The following SYTL2 variants were observed in gnomAD, a reference collection of about 807,000 sequenced individuals.
The protein encoded by SYTL2 is synaptotagmin-like protein 2.
Under a neutral mutation model 198.7 loss-of-function variants are expected in SYTL2, and 165 were observed. That is an observed-to-expected ratio of 0.83 (90% confidence interval 0.73 to 0.94). The LOEUF is 0.94. Ranked by LOEUF, SYTL2 falls within the 40% of genes least tolerant of loss-of-function variation. SYTL2 has a pLI of 0.00. For synonymous variants in SYTL2, 966 were observed against 917.7 expected (o/e 1.05, Z -0.95); for missense variants, 2,835 against 2,582.8 (o/e 1.10, Z -2.12).
Position 85,734,450 on chromosome 11 carries a change from G to A in SYTL2, c.879C>T (p.Asn293=), listed in dbSNP as rs371085528. The A allele has an allele frequency of 6.8e-6, 11 of 1,614,232 alleles. No individual in the cohort carries two copies. The African/African-American group carries it at 1.5e-4, about 22-fold the overall frequency. Residue 293 remains asparagine, a synonymous_variant, in exon 7 of 20, where the codon AAC becomes AAT. Transcript: ENST00000359152. The part of the protein sequence containing the change: ...TDSETLRYNH[N]FEPKSKIVSP... ...ACACAATTTTGCTTTTGGGTTCAAAGTTGTGATTATAACGAAGGGTTTCTG... is the reference window on the plus strand; with the variant it reads ...ACACAATTTTGCTTTTGGGTTCAAAATTGTGATTATAACGAAGGGTTTCTG...
chr11:85,777,513 G>T (rs1195060994), intron 1 of SYTL2, among the ~76,000 whole-genome samples: 1 of 152,076 alleles, frequency 6.6e-6, no homozygotes, highest in Non-Finnish European at 1.5e-5. Context: ...TCTGAGGCAC[G>T]AAGGGAGAGG....
chr11:85,791,921 G>A (rs142536952), intron 1 of SYTL2, among the ~76,000 whole-genome samples: 43 of 152,206 alleles, frequency 2.8e-4, no homozygotes, highest in African/African-American at 7.2e-4. Flanking sequence ...CAGCAGCTGC[G>A]ATAGGATTAC....
chr11:85,801,800 A>G (rs1360616919), intron 1 of SYTL2, among the ~76,000 whole-genome samples: 1 of 150,292 alleles, frequency 6.7e-6, no homozygotes, highest in Non-Finnish European at 1.5e-5. Flanking sequence ...CTGTGTGCCA[A>G]CTCAGTAGTC....
chr11:85,782,553 A>C (rs1478885230), intron 1 of SYTL2, among the ~76,000 whole-genome samples: 1 of 152,234 alleles, frequency 6.6e-6, no homozygotes, highest in African/African-American at 2.4e-5. Context: ...TCTGTCACAC[A>C]GTCAGGCTGC....
rs1354232306 is a variant in SYTL2 at position 85,780,546 on chromosome 11, C to T, written c.-389-22432G>A. 6.6e-5 allele frequency among the ~76,000 whole-genome samples: 10 copies of T among 152,286 alleles called. No homozygotes were observed. The East Asian group carries it at 1.9e-3, about 29-fold the overall frequency. On this transcript the variant is annotated intron_variant, in intron 1 of 19. Coordinates refer to ENST00000359152, the MANE Select transcript of SYTL2 (RefSeq NM_206927.4). The stretch of plus-strand genomic sequence containing the variant: ...GGTTTAATCAGTCACGCCTATGTAA[C>T]GAAGCTGCCATAAAATCCCAAAGGG...
chr11:85,695,246 A>C lies in SYTL2; in HGVS notation c.6669T>G (p.Ile2223Met). The C allele has an allele frequency of 1.9e-6, 3 of 1,613,072 alleles. No homozygotes were observed. The highest frequency in any genetic ancestry group is 2.5e-6 in the Non-Finnish European group (3 of 1,179,234). ...GCATTCTGAGAGGCAGTGTTGCTTC[A>C]ATCCAAGTATTGGGGGAGTTTACCA... ...EKMVNSPNTW[I>M]EATLPLRMLL... The change falls in exon 20 of 20, where the codon ATT becomes ATG. Residue 2223 changes from isoleucine (I) to methionine (M), a missense_variant. Around this residue, in one of 3 missense-constraint regions of SYTL2, gnomAD observed 185 missense variants for 182.1 expected, o/e 1.02. Coordinates refer to ENST00000359152, the MANE Select transcript of SYTL2 (RefSeq NM_206927.4).
At chr11:85,759,043 G>A (rs1214960921) in intron 1 of SYTL2, among the ~76,000 whole-genome samples, 2 of 151,960 alleles carry the variant, frequency 1.3e-5, no homozygotes, top group East Asian at 1.9e-4. Context: ...TCAGGAGTTC[G>A]AGACCAGCCT....
Position 85,727,338 on chromosome 11 carries a change from G to T in SYTL2, c.2020C>A (p.Leu674Ile). 1.3e-6 allele frequency: 2 copies of T among 1,536,070 alleles called. No individual in the cohort carries two copies. The highest frequency in any genetic ancestry group is 1.4e-5 in the African/African-American group (1 of 73,148). The change falls in exon 8 of 20, where the codon CTC becomes ATC. Residue 674 changes from leucine (L) to isoleucine (I), a missense_variant. By Grantham distance (5) the Leu-to-Ile change is conservative. Transcript: ENST00000359152. ...PSNSNYSYSV[L>I]KESDAENQVP... ...TGGTTTTCTGCATCAGATTCCTTGA[G>T]AACACTGTAGGAATAGTTACTATTT...
the SYTL2 span, among the ~76,000 whole-genome samples, chr11:85,850,561 C>T: frequency 6.6e-6 from 1 of 151,278 alleles, no homozygotes; most frequent in African/African-American, 2.4e-5. Context: ...AATAGGAACA[C>T]TTTTACACTG....
At chr11:85,846,471 C>G in the SYTL2 span, among the ~76,000 whole-genome samples, 1 of 152,154 alleles carries the variant, frequency 6.6e-6, no homozygotes, top group Admixed American at 6.6e-5. Context: ...TCTTGTTACC[C>G]AGGCTGGAGT....
chr11:85,854,685 A>G, the SYTL2 span: 1 of 152,450 alleles, frequency 6.6e-6, no homozygotes, highest in East Asian at 1.9e-4. Flanking sequence ...AGAGGCGCGC[A>G]GAAGCCTCAC....
chr11:85,799,539 A>G (rs576078598), intron 1 of SYTL2, among the ~76,000 whole-genome samples: 1 of 152,340 alleles, frequency 6.6e-6, no homozygotes, highest in Non-Finnish European at 1.5e-5. Context: ...AATCTCCTTA[A>G]TAACATGTAC....
chr11:85,756,074 A>G (rs771677116), intron 2 of SYTL2, among the ~76,000 whole-genome samples: 12 of 152,154 alleles, frequency 7.9e-5, no homozygotes, highest in African/African-American at 2.4e-4. Flanking sequence ...TTACTCCTCA[A>G]TGGTTGCAAT....
chr11:85,853,988 GCACT>G, the SYTL2 span: 26 of 152,142 alleles, frequency 1.7e-4, no homozygotes, highest in African/African-American at 5.8e-4. Flanking sequence ...GGGACTACAG[GCACT>G]CACCACTATG....
chr11:85,813,716 TTTCCTTCC>T (rs539849388), upstream of SYTL2, among the ~76,000 whole-genome samples: 4 of 107,210 alleles, frequency 3.7e-5, no homozygotes, highest in Non-Finnish European at 5.6e-5. Context: ...CCCTCCCTCC[TTTCCTTCC>T]TTCCTTCCTT....
chr11:85,765,745 T>C (rs1355042048), intron 1 of SYTL2, among the ~76,000 whole-genome samples: 1 of 152,112 alleles, frequency 6.6e-6, no homozygotes, highest in Non-Finnish European at 1.5e-5. Context: ...GAAAGACAGG[T>C]AGAAAGACTA....
intron 18 of SYTL2, 93 bp from the exon 19 acceptor site, chr11:85,696,481 A>G: frequency 9.5e-7 from 1 of 1,050,204 alleles, no homozygotes; most frequent in African/African-American, 1.6e-5. Context: ...AAAGATTGAC[A>G]ATGGAGGAAA....
Position 85,757,783 on chromosome 11 carries a change from G to A in SYTL2, c.-58C>T. On this transcript the variant is annotated 5_prime_UTR_variant, in exon 2 of 20. Coordinates refer to ENST00000359152, the MANE Select transcript of SYTL2 (RefSeq NM_206927.4). ...AATGTGGCTCAAAATTCTCAGGGCT[G>A]AACAACTAAGACTGCAACCAGGAAG... is the stretch of plus-strand genomic sequence containing the variant. 6.3e-7 allele frequency: 1 copy of A among 1,597,926 alleles called. No homozygotes were observed. Among genetic ancestry groups the A allele is most frequent in the East Asian group, 2.2e-5 (1 of 44,794 alleles).
At chr11:85,811,834 C>T (rs1264471522), upstream of SYTL2, among the ~76,000 whole-genome samples, 1 of 152,182 alleles carries the variant, frequency 6.6e-6, no homozygotes, top group African/African-American at 2.4e-5. Context: ...GGCGCGGTGG[C>T]TCACACCTGT....
Sources: gnomAD v4.1 joint callset for allele counts (sites outside exome capture counted in the v4.1 genomes callset) on GRCh38, gnomAD v4.1.1 for gene constraint, gnomAD v4.1.1 regional missense constraint, MANE v1.5 for transcripts, NCBI Gene and HGNC (gene_info 2026-07-23, HGNC 2026-07-21) for gene names.